SLC5A8: variants seen among roughly 807,000 people sequenced by gnomAD.
SLC5A8 encodes the protein sodium-coupled monocarboxylate transporter 1.
A neutral mutation model predicts 71.9 loss-of-function variants in SLC5A8; 55 were observed. The ratio of observed to expected loss-of-function variants is 0.77; its 90% CI spans 0.62 to 0.96. The LOEUF (loss-of-function observed/expected upper bound fraction) is 0.96. Among genes scored for constraint, SLC5A8 ranks in the 40% least tolerant of loss-of-function variants. The pLI, the probability that SLC5A8 is intolerant of heterozygous loss-of-function variation, is 0.00. For synonymous variants in SLC5A8, 307 were observed against 276.1 expected, an observed-to-expected ratio of 1.11 and a Z score of -1.11; for missense variants, 701 against 745.3, an observed-to-expected ratio of 0.94 and a Z score of 0.69.
intron 10 of SLC5A8, among the ~76,000 whole-genome samples, chr12:101,178,500 C>G (rs1042527323): frequency 6.6e-6 from 1 of 152,040 alleles, no homozygotes; most frequent in African/African-American, 2.4e-5. Flanking sequence ...ACAGAGAATT[C>G]AGAAATAGAC....
rs2051656588 is a variant in SLC5A8 at position 101,155,954 on chromosome 12, A to T, written c.*1325T>A. Reference sequence around the variant, plus strand: ...CTAAATATTTCTCTTATGTTTCTAAAAAAAATTGAGTTTAAAAAAGAACTT... The same window carrying T: ...CTAAATATTTCTCTTATGTTTCTAATAAAAATTGAGTTTAAAAAAGAACTT... On this transcript the variant is annotated 3_prime_UTR_variant, in exon 15 of 15. Transcript: ENST00000536262. The T allele has an allele frequency of 6.6e-6, 1 of 152,106 alleles. No individual in the cohort carries two copies. The allele number at this position is 152,106 out of a possible 1,614,324, so 9.4% of individuals were successfully genotyped here. A position where few individuals can be genotyped will look rare whatever the true frequency, so the allele number is the denominator to read the frequency against.
At chr12:101,188,258 C>T (rs1211252924) in intron 6 of SLC5A8, among the ~76,000 whole-genome samples, 1 of 152,136 alleles carries the variant, frequency 6.6e-6, no homozygotes. Flanking sequence ...ATGGTACTTA[C>T]ACATAATAAA....
At chr12:101,197,031 T>C (rs535514206) in intron 3 of SLC5A8, among the ~76,000 whole-genome samples, 44 of 152,318 alleles carry the variant, frequency 2.9e-4, no homozygotes, top group African/African-American at 1.0e-3. Context: ...TGAGCATCAA[T>C]AATAATACTA....
chr12:101,207,250 T>C (rs1404028802), intron 1 of SLC5A8, among the ~76,000 whole-genome samples: 1 of 152,208 alleles, frequency 6.6e-6, no homozygotes, highest in Non-Finnish European at 1.5e-5. Context: ...CTTGGGGTTA[T>C]AACAGACTCA....
At chr12:101,173,466 C>G (rs2051850451) in intron 10 of SLC5A8, among the ~76,000 whole-genome samples, 1 of 152,166 alleles carries the variant, frequency 6.6e-6, no homozygotes, top group Admixed American at 6.5e-5. Context: ...AGCCAGCACA[C>G]CCAGGATCAT....
chr12:101,172,348 G>A (rs973284471), intron 10 of SLC5A8, among the ~76,000 whole-genome samples: 15 of 152,270 alleles, frequency 9.9e-5, no homozygotes, highest in South Asian at 4.1e-4. Context: ...CCCAAAGGTG[G>A]AAGTTGATGC....
intron 9 of SLC5A8, among the ~76,000 whole-genome samples, chr12:101,181,866 G>A (rs1868376649): frequency 6.6e-6 from 1 of 152,090 alleles, no homozygotes; most frequent in South Asian, 2.1e-4. Flanking sequence ...ATAAATTAAG[G>A]ACTCATTTCA....
Position 101,162,017 on chromosome 12 carries a change from A to C in SLC5A8, c.1587T>G (p.Thr529=), listed in dbSNP as rs757605217. 3.7e-5 allele frequency: 60 copies of C among 1,613,704 alleles called. No homozygotes were observed. The highest frequency in any genetic ancestry group is 5.0e-5 in the Non-Finnish European group (59 of 1,179,836). ...GTATCCCCACTAATAATGTTACCAA[A>C]GTTCCAACAGTGCTGAAGTACAGAT... ...LSYLYFSTVG[T]LVTLLVGILV... is the part of the protein sequence containing the mutation. Residue 529 remains threonine (T), a synonymous_variant, in exon 13 of 15, where the codon ACT becomes ACG. Coordinates refer to ENST00000536262, the MANE Select transcript of SLC5A8 (RefSeq NM_145913.5).
chr12:101,187,481 T>C lies in SLC5A8; in HGVS notation c.868A>G (p.Ile290Val). 4.3e-6 allele frequency: 7 copies of C among 1,613,886 alleles called. No homozygotes were observed. Among genetic ancestry groups the C allele is most frequent in the Non-Finnish European group, 5.1e-6 (6 of 1,179,912 alleles). ...CCACAAAACACTGAGCATGTGAGGA[T>C]TGCCCAGAGTCCCACAAGATTGATG... ...LYINLVGLWA[I>V]LTCSVFCGLA... is the part of the protein sequence containing the mutation. Residue 290 changes from isoleucine to valine, a missense_variant, in exon 7 of 15, where the codon ATC becomes GTC. Physicochemically the swap from Ile to Val is conservative, Grantham distance 29. Coordinates refer to ENST00000536262, the MANE Select transcript of SLC5A8 (RefSeq NM_145913.5).
intron 14 of SLC5A8, among the ~76,000 whole-genome samples, chr12:101,157,978 T>C (rs2051682930): frequency 6.6e-6 from 1 of 151,912 alleles, no homozygotes; most frequent in African/African-American, 2.4e-5. Context: ...ATAAAGATCA[T>C]CAAAGGAAAG....
At chr12:101,158,359 G>T in intron 13 of SLC5A8, 31 bp from the exon 14 acceptor site, 2 of 1,424,178 alleles carry the variant, frequency 1.4e-6, no homozygotes, top group Non-Finnish European at 2.0e-6. Context: ...GACTTACGTT[G>T]TTAAAAAGGA....
intron 10 of SLC5A8, among the ~76,000 whole-genome samples, chr12:101,176,380 CT>C (rs1225942022): frequency 3.3e-5 from 5 of 151,886 alleles, no homozygotes; most frequent in Admixed American, 3.3e-4. Flanking sequence ...TTCACCACCC[CT>C]CTCTCAACAA....
At chr12:101,175,740 AT>A (rs2051874260) in intron 10 of SLC5A8, among the ~76,000 whole-genome samples, 1 of 152,046 alleles carries the variant, frequency 6.6e-6, no homozygotes, top group Admixed American at 6.5e-5. Flanking sequence ...GTAGAAAAAT[AT>A]TTTTTTAACT....
At chr12:101,160,201 A>G (rs1208338152) in intron 13 of SLC5A8, among the ~76,000 whole-genome samples, 7 of 152,270 alleles carry the variant, frequency 4.6e-5, no homozygotes, top group South Asian at 2.1e-4. Context: ...AACAACAACA[A>G]CAAAAATCTG....
At chr12:101,175,583 T>C (rs1220026343) in intron 10 of SLC5A8, among the ~76,000 whole-genome samples, 1 of 151,438 alleles carries the variant, frequency 6.6e-6, no homozygotes, top group Non-Finnish European at 1.5e-5. Context: ...ACATCATAAT[T>C]AAACTTCTGA....
Position 101,210,180 on chromosome 12 carries a change from G to T in SLC5A8, c.-332C>A. On this transcript the variant is annotated 5_prime_UTR_variant, in exon 1 of 15. Transcript: ENST00000536262. The stretch of plus-strand genomic sequence containing the variant: ...GGGGACACCTGAGCAGATGAGAACT[G>T]GAGCCTCCAGCTGCTTCCAGCGAAT... 3.3e-6 allele frequency: 1 copy of T among 301,122 alleles called. No homozygotes were observed. The highest frequency in any genetic ancestry group is 6.0e-6 in the Non-Finnish European group (1 of 165,304). The allele number at this position is 301,122 out of a possible 1,614,324, so 18.7% of individuals were successfully genotyped here. A position where few individuals can be genotyped will look rare whatever the true frequency, so the allele number is the denominator to read the frequency against.
At chr12:101,175,190 A>C (rs2051868125) in intron 10 of SLC5A8, among the ~76,000 whole-genome samples, 1 of 152,136 alleles carries the variant, frequency 6.6e-6, no homozygotes, top group African/African-American at 2.4e-5. Context: ...GAATGGGCAC[A>C]ATAGCAGTAT....
intron 8 of SLC5A8, 36 bp downstream of exon 8, chr12:101,184,098 A>T (rs771920796): frequency 6.4e-7 from 1 of 1,571,328 alleles, no homozygotes; most frequent in Admixed American, 1.7e-5. Flanking sequence ...AGATCCCAAC[A>T]GGGAAATCAT....
At chr12:101,173,950 A>G (rs1301449733) in intron 10 of SLC5A8, among the ~76,000 whole-genome samples, 1 of 152,152 alleles carries the variant, frequency 6.6e-6, no homozygotes, top group African/African-American at 2.4e-5. Context: ...GCCTGTCCCC[A>G]GTTACTGGGG....
Sources: allele counts gnomAD v4.1 joint callset (sites outside exome capture counted in the v4.1 genomes callset), GRCh38; gene constraint gnomAD v4.1.1; transcripts MANE v1.5; gene names NCBI Gene and HGNC (gene_info 2026-07-23, HGNC 2026-07-21).